Variants in ALDH8A1 observed in about 807,000 individuals in gnomAD.
The protein encoded by ALDH8A1 is aldehyde dehydrogenase 8 family member A1.
In ALDH8A1, 39 loss-of-function variants were observed where a neutral mutation model predicts 43.3. That is an observed-to-expected ratio of 0.90 (90% CI 0.70 to 1.18). ALDH8A1 has a LOEUF of 1.18. Ranked by LOEUF, ALDH8A1 falls within the 50% of genes most tolerant of loss-of-function variation. ALDH8A1 has a pLI of 0.00. For synonymous variants in ALDH8A1, 233 were observed against 243.5 expected (o/e 0.96, Z 0.40); for missense variants, 605 against 622.6 (o/e 0.97, Z 0.30).
At chr6:134,938,940 C>T (rs1293032645) in intron 4 of ALDH8A1, among the ~76,000 whole-genome samples, 2 of 152,200 alleles carry the variant, frequency 1.3e-5, no homozygotes, top group Admixed American at 1.3e-4. Context: ...AACCACCACA[C>T]CTGGCCCCAA....
chr6:134,948,645 C>T (rs1773993679), intron 1 of ALDH8A1, among the ~76,000 whole-genome samples: 1 of 152,130 alleles, frequency 6.6e-6, no homozygotes, highest in Non-Finnish European at 1.5e-5. Flanking sequence ...ATTGGACATG[C>T]AGTTTGTATG....
At chr6:134,938,395 C>G (rs1170932441) in intron 4 of ALDH8A1, among the ~76,000 whole-genome samples, 4 of 152,126 alleles carry the variant, frequency 2.6e-5, no homozygotes, top group Non-Finnish European at 5.9e-5. Context: ...AAACTATTAG[C>G]AGAAAAAGAA....
intron 6 of ALDH8A1, among the ~76,000 whole-genome samples, chr6:134,928,519 A>T (rs954696643): frequency 1.3e-5 from 2 of 152,208 alleles, no homozygotes; most frequent in Non-Finnish European, 2.9e-5. Flanking sequence ...AAATAACCCT[A>T]AATTGCCATC....
chr6:134,947,122 A>G (rs996440627), intron 1 of ALDH8A1, among the ~76,000 whole-genome samples: 6 of 152,246 alleles, frequency 3.9e-5, no homozygotes, highest in Admixed American at 3.3e-4. Context: ...AAAAATATGC[A>G]TTGGTGAAAA....
At chr6:134,936,910 T>C (rs901950285) in intron 4 of ALDH8A1, among the ~76,000 whole-genome samples, 1 of 151,668 alleles carries the variant, frequency 6.6e-6, no homozygotes, top group Admixed American at 6.6e-5. Flanking sequence ...TCAGGGGAGG[T>C]GGCTAACAGA....
chr6:134,930,499 A>G (rs1776965387), intron 5 of ALDH8A1, among the ~76,000 whole-genome samples: 1 of 152,218 alleles, frequency 6.6e-6, no homozygotes, highest in Non-Finnish European at 1.5e-5. Context: ...TATTTTCACC[A>G]TGTTTGTGTC....
In ALDH8A1 at chr6:134,923,914, G is replaced by A. The variant is rs77930352; in HGVS notation, c.1012-5047C>T. 9.0e-3 allele frequency among the ~76,000 whole-genome samples: 1,368 copies of A among 152,268 alleles called. 23 individuals carry two copies. Among genetic ancestry groups the A allele is most frequent in the African/African-American group, 0.031 (1,271 of 41,550 alleles). Reference sequence around the variant, plus strand: ...TTAGGAAGGTGCAAGGGAAAGGGACGAAAATTAGTTGTAAAAATATTAGGA... The same window carrying A: ...TTAGGAAGGTGCAAGGGAAAGGGACAAAAATTAGTTGTAAAAATATTAGGA... On this transcript the variant is annotated intron_variant, in intron 6 of 6. Coordinates refer to ENST00000265605, the MANE Select transcript of ALDH8A1 (RefSeq NM_022568.4).
rs1380803720 is a variant in ALDH8A1, at chr6:134,918,445, A to C, written c.1434T>G (p.Thr478=). The C allele has an allele frequency of 6.2e-7, 1 of 1,614,052 alleles. No homozygotes were observed. Among genetic ancestry groups the C allele is most frequent in the Non-Finnish European group, 8.5e-7 (1 of 1,180,042 alleles). The change falls in exon 7 of 7, where the codon ACT becomes ACG. Residue 478 remains threonine, a synonymous_variant. Coordinates refer to ENST00000265605, the MANE Select transcript of ALDH8A1 (RefSeq NM_022568.4). The stretch of plus-strand genomic sequence containing the variant: ...GTTTAACGGTGATGGTTTTGATCTC[A>C]GTGAAGAAGTCGTAAGAGTCCTTGG... ...EGAKDSYDFF[T]EIKTITVKH is the part of the protein sequence containing the mutation.
At chr6:134,920,850 A>G (rs150477487) in intron 6 of ALDH8A1, among the ~76,000 whole-genome samples, 133 of 152,320 alleles carry the variant, frequency 8.7e-4, no homozygotes, top group Admixed American at 1.8e-3. Flanking sequence ...AGCTTTAGAC[A>G]TAAAGTCAGA....
At chr6:134,948,830 G>C (rs1369432758) in intron 1 of ALDH8A1, among the ~76,000 whole-genome samples, 2 of 152,204 alleles carry the variant, frequency 1.3e-5, no homozygotes, top group Non-Finnish European at 2.9e-5. Context: ...TATTTCAGCT[G>C]AATTTGGCAT....
intron 6 of ALDH8A1, among the ~76,000 whole-genome samples, chr6:134,923,319 C>T (rs1269290416): frequency 1.3e-5 from 2 of 151,350 alleles, no homozygotes; most frequent in Non-Finnish European, 2.9e-5. Flanking sequence ...CATGAGCCAC[C>T]GTGCCCAGCG....
chr6:134,929,412 G>A (rs977645923), intron 5 of ALDH8A1, among the ~76,000 whole-genome samples, 197 bp from the exon 6 acceptor site: 1 of 152,100 alleles, frequency 6.6e-6, no homozygotes, highest in East Asian at 1.9e-4. Context: ...AAATAAACTC[G>A]ATAAATAATA....
chr6:134,944,282 C>A (rs114266056), intron 1 of ALDH8A1: 2 of 224,730 alleles, frequency 8.9e-6, no homozygotes, highest in Non-Finnish European at 1.8e-5. Context: ...CTGACCAGGC[C>A]GGTCTTGAGT....
At position 134,918,377 on chromosome 6, in the gene ALDH8A1, C is replaced by G. The variant is rs984112412; in HGVS notation, c.*38G>C. Reference sequence around the variant, plus strand: ...CACATTGAACAACTGATGCCTGCAGCCAGGCATTGGCCATAGTGGCTCCAC... The same window carrying G: ...CACATTGAACAACTGATGCCTGCAGGCAGGCATTGGCCATAGTGGCTCCAC... On this transcript the variant is annotated 3_prime_UTR_variant, in exon 7 of 7. Coordinates refer to ENST00000265605, the MANE Select transcript of ALDH8A1 (RefSeq NM_022568.4). 6.4e-7 allele frequency: 1 copy of G among 1,559,994 alleles called. No individual in the cohort carries two copies. Among genetic ancestry groups the G allele is most frequent in the Non-Finnish European group, 8.8e-7 (1 of 1,137,946 alleles).
intron 4 of ALDH8A1, among the ~76,000 whole-genome samples, chr6:134,934,167 C>T (rs568406386): frequency 1.3e-5 from 2 of 152,282 alleles, no homozygotes; most frequent in African/African-American, 4.8e-5. Flanking sequence ...ATCCTAAGCT[C>T]CCCCAGTTGA....
intron 6 of ALDH8A1, among the ~76,000 whole-genome samples, chr6:134,927,328 G>A (rs934067898): frequency 6.6e-6 from 1 of 151,816 alleles, no homozygotes; most frequent in Non-Finnish European, 1.5e-5. Flanking sequence ...AGAAGAAGAA[G>A]AAGCCTCCTG....
chr6:134,928,648 A>G (rs1583025636), intron 6 of ALDH8A1, among the ~76,000 whole-genome samples: 1 of 152,230 alleles, frequency 6.6e-6, no homozygotes, highest in African/African-American at 2.4e-5. Flanking sequence ...CTGACTAAGG[A>G]CGACACAATT....
Position 134,947,854 on chromosome 6 carries a change from A to T in ALDH8A1, c.138+2062T>A, listed in dbSNP as rs972865700. ...CGCATGTAGGTTTCTCAAAAAAAAA[A>T]AAATAAAAATAGAACAACAGTATGA... is the stretch of plus-strand genomic sequence containing the variant. On this transcript the variant is annotated intron_variant, in intron 1 of 6. Coordinates refer to ENST00000265605, the MANE Select transcript of ALDH8A1 (RefSeq NM_022568.4). Among the ~76,000 whole-genome samples the T allele has an allele frequency of 9.8e-5, 11 of 112,734 alleles. 1 individual carries two copies. The South Asian group carries it at 1.7e-3, about 17-fold the overall frequency. The allele number at this position is 112,734 out of a possible 152,430, so 74.0% of individuals were successfully genotyped here.
At chr6:134,943,758 G>A in intron 2 of ALDH8A1, 61 bp downstream of exon 2, 1 of 1,587,136 alleles carries the variant, frequency 6.3e-7, no homozygotes. Flanking sequence ...CCCCAAGAGG[G>A]ATAACATGAA....
Sources: allele counts gnomAD v4.1 joint callset (sites outside exome capture counted in the v4.1 genomes callset), GRCh38; gene constraint gnomAD v4.1.1; transcripts MANE v1.5; gene names NCBI Gene and HGNC (gene_info 2026-07-23, HGNC 2026-07-21).